Variants in DNAH6 observed in about 807,000 individuals in gnomAD.
DNAH6 encodes axonemal beta dynein heavy chain 6.
A neutral mutation model predicts 491.4 loss-of-function variants in DNAH6; 340 were observed. The observed-to-expected ratio is 0.69, with a 90% CI of 0.63 to 0.76. DNAH6 has a LOEUF of 0.76. DNAH6 is among the 30% of genes least tolerant of loss of function. The probability of loss-of-function intolerance (pLI) is 0.00; values close to 1 mark genes in which losing one functional copy is unlikely to be tolerated. For missense variants in DNAH6, 4,443 were observed against 4,972.2 expected (o/e 0.89, Z 3.20); for synonymous variants, 1,603 against 1,686.1 (o/e 0.95, Z 1.21).
intron 64 of DNAH6, among the ~76,000 whole-genome samples, chr2:84,778,406 C>T (rs998053115): frequency 3.3e-5 from 5 of 152,136 alleles, no homozygotes; most frequent in African/African-American, 1.2e-4. Context: ...TTTTCTTCTG[C>T]TAACTTCAGG....
chr2:84,511,559 C>T (rs1375762224), upstream of DNAH6, among the ~76,000 whole-genome samples: 5 of 152,292 alleles, frequency 3.3e-5, no homozygotes, highest in African/African-American at 4.8e-5. Context: ...GGCTCACTCT[C>T]GGTGCGCTGC....
At chr2:84,775,705 G>A (rs1676053291) in intron 64 of DNAH6, among the ~76,000 whole-genome samples, 1 of 151,996 alleles carries the variant, frequency 6.6e-6, no homozygotes, top group South Asian at 2.1e-4. Flanking sequence ...GTCTGTTCAG[G>A]ATTTCTGTTT....
intron 33 of DNAH6, among the ~76,000 whole-genome samples, chr2:84,649,335 A>G (rs1573356635): frequency 6.6e-6 from 1 of 152,124 alleles, no homozygotes; most frequent in Non-Finnish European, 1.5e-5. Context: ...TGGTAATACG[A>G]TGTTCATAAT....
At chr2:84,519,613 A>G (rs955514831) in intron 2 of DNAH6, among the ~76,000 whole-genome samples, 1 of 139,662 alleles carries the variant, frequency 7.2e-6, no homozygotes, top group South Asian at 2.4e-4. Flanking sequence ...TCTTCTTCCT[A>G]TTCTCCTCTT....
Position 84,634,636 on chromosome 2 carries a change from G to A in DNAH6, c.4648G>A (p.Ala1550Thr), listed in dbSNP as rs1345577442. ...CATTACCATTAGGAACGCCAAAGCG[G>A]CAAAGGTAAGGCACTGGGCAATCGA... is the stretch of plus-strand genomic sequence containing the variant. ...QLITIRNAKA[A>T]KLSRFMFEGR... is the part of the protein sequence containing the mutation. The change falls in exon 30 of 77, where the codon GCA becomes ACA. Residue 1550 changes from alanine (A) to threonine (T), a missense_variant. This residue lies in a region of DNAH6 where 2,977 missense variants were observed against 3,296.6 expected (regional missense o/e 0.90). Coordinates refer to ENST00000389394, the MANE Select transcript of DNAH6 (RefSeq NM_001370.2). 3 of 1,533,956 alleles carry A rather than the reference G, an allele frequency of 2.0e-6. No individual in the cohort carries two copies. Among genetic ancestry groups the A allele is most frequent in the East Asian group, 2.5e-5 (1 of 39,832 alleles).
the DNAH6 span, among the ~76,000 whole-genome samples, chr2:84,473,862 C>T: frequency 1.3e-5 from 2 of 152,126 alleles, no homozygotes; most frequent in Non-Finnish European, 2.9e-5. Context: ...ATCAATTCTT[C>T]CCTAGTTTCA....
rs539314571 is a variant in DNAH6, at chr2:84,609,553, G to T, written c.3295-2121G>T. 7.1e-4 allele frequency among the ~76,000 whole-genome samples: 108 copies of T among 152,046 alleles called. 1 individual carries two copies. The highest frequency in any genetic ancestry group is 2.5e-3 in the African/African-American group (102 of 41,462). ...AGCCAGTCAGTGGAGCAGAAAGAAC[G>T]AATAGACATAATACTTATCAATTAA... On this transcript the variant is annotated intron_variant, in intron 21 of 76. Transcript: ENST00000389394.
intron 11 of DNAH6, among the ~76,000 whole-genome samples, chr2:84,559,915 C>T (rs547848653): frequency 5.7e-4 from 86 of 151,812 alleles, no homozygotes; most frequent in African/African-American, 1.5e-3. Flanking sequence ...AAGTTTAACA[C>T]TACTATAGAA....
At chr2:84,546,138 G>A (rs955439606) in intron 5 of DNAH6, among the ~76,000 whole-genome samples, 1 of 152,144 alleles carries the variant, frequency 6.6e-6, no homozygotes, top group Middle Eastern at 3.4e-3. Flanking sequence ...TCTCCATAGA[G>A]TGGCCTGTTC....
At chr2:84,686,242 T>C (rs1694246235) in intron 43 of DNAH6, among the ~76,000 whole-genome samples, 1 of 151,914 alleles carries the variant, frequency 6.6e-6, no homozygotes, top group Non-Finnish European at 1.5e-5. Flanking sequence ...CTTAAATAAG[T>C]ATCCAATATT....
At position 84,524,833 on chromosome 2, in the gene DNAH6, C is replaced by T. The variant is rs561916780; in HGVS notation, c.226-732C>T. On this transcript the variant is annotated intron_variant, in intron 2 of 76. Transcript: ENST00000389394. ...GATCCTGTTCTCTATTCCTATTTAGCACTATTACATAACTTAGCTCTCCTT... is the reference window on the plus strand; with the variant it reads ...GATCCTGTTCTCTATTCCTATTTAGTACTATTACATAACTTAGCTCTCCTT... Among the ~76,000 whole-genome samples the T allele has an allele frequency of 3.9e-5, 6 of 152,152 alleles. No homozygotes were observed. The East Asian group carries it at 1.2e-3, about 29-fold the overall frequency.
intron 10 of DNAH6, among the ~76,000 whole-genome samples, chr2:84,555,710 G>A (rs184504163): frequency 2.6e-5 from 4 of 152,066 alleles, no homozygotes; most frequent in East Asian, 1.9e-4. Flanking sequence ...CGATTTCTTC[G>A]AAAACTTGCT....
At chr2:84,807,099 T>C (rs1232089284) in intron 71 of DNAH6, among the ~76,000 whole-genome samples, 3 of 152,142 alleles carry the variant, frequency 2.0e-5, no homozygotes, top group Admixed American at 6.5e-5. Flanking sequence ...AAGCAGATCA[T>C]CTGCTGAGAC....
At chr2:84,520,828 C>G (rs1411211152) in intron 2 of DNAH6, among the ~76,000 whole-genome samples, 1 of 151,922 alleles carries the variant, frequency 6.6e-6, no homozygotes, top group African/African-American at 2.4e-5. Flanking sequence ...GGCATTTAGA[C>G]TGATTCCATG....
intron 70 of DNAH6, 89 bp from the exon 71 acceptor site, chr2:84,805,576 C>T: frequency 8.4e-7 from 1 of 1,196,428 alleles, no homozygotes; most frequent in South Asian, 1.8e-5. Context: ...TAGAGAACTG[C>T]CTTTACTTTT....
At chr2:84,543,577 T>G (rs969360141) in intron 4 of DNAH6, among the ~76,000 whole-genome samples, 17 of 152,302 alleles carry the variant, frequency 1.1e-4, no homozygotes, top group Middle Eastern at 3.4e-3. Flanking sequence ...TTAAGCAGTT[T>G]TAGAGAATCG....
the DNAH6 span, among the ~76,000 whole-genome samples, chr2:84,482,854 G>C: frequency 6.6e-6 from 1 of 152,214 alleles, no homozygotes; most frequent in Non-Finnish European, 1.5e-5. Context: ...TTTCCTGCCA[G>C]CAGGATTCAA....
chr2:84,587,014 A>AT (rs1683620926), intron 15 of DNAH6, among the ~76,000 whole-genome samples: 1 of 151,922 alleles, frequency 6.6e-6, no homozygotes, highest in Admixed American at 6.6e-5. Context: ...AGGTAAACTC[A>AT]TGTCTCAGAG....
At chr2:84,708,832 C>G (rs939592690) in intron 54 of DNAH6, among the ~76,000 whole-genome samples, 2 of 152,148 alleles carry the variant, frequency 1.3e-5, no homozygotes, top group Admixed American at 1.3e-4. Flanking sequence ...TCTCCAGGAG[C>G]TCTAAGCTCT....
Sources: gnomAD v4.1 joint callset for allele counts (sites outside exome capture counted in the v4.1 genomes callset) on GRCh38, gnomAD v4.1.1 for gene constraint, gnomAD v4.1.1 regional missense constraint, MANE v1.5 for transcripts, NCBI Gene and HGNC (gene_info 2026-07-23, HGNC 2026-07-21) for gene names.